The following GRIA3 variants were observed in gnomAD, a reference collection of about 807,000 sequenced individuals.
GRIA3 encodes the protein glutamate ionotropic receptor AMPA type subunit 3, also known as glutamate receptor 3.
Under a neutral mutation model 63.0 loss-of-function variants are expected in GRIA3, and 3 were observed. That is an observed-to-expected ratio of 0.05 (90% CI 0.02 to 0.12). GRIA3 has a LOEUF of 0.12. Ranked by LOEUF, GRIA3 falls within the 10% of genes least tolerant of loss-of-function variation. The probability of loss-of-function intolerance (pLI) is 1.00; values close to 1 mark genes in which losing one functional copy is unlikely to be tolerated. For missense variants in GRIA3, 347 were observed against 700.9 expected, an observed-to-expected ratio of 0.50 and a Z score of 5.70; for synonymous variants, 274 against 257.9, an observed-to-expected ratio of 1.06 and a Z score of -0.60.
intron 2 of GRIA3, among the ~76,000 whole-genome samples, chrX:123,196,465 G>A (rs1237108891): frequency 9.0e-6 from 1 of 111,604 alleles, no homozygotes; most frequent in Non-Finnish European, 1.9e-5. Flanking sequence ...ATCCAATTCT[G>A]TAGACCCAGA....
At chrX:123,192,799 C>T (rs1439381713) in intron 2 of GRIA3, among the ~76,000 whole-genome samples, 1 of 111,408 alleles carries the variant, frequency 9.0e-6, no homozygotes. Flanking sequence ...GGTAGAACAG[C>T]ACTTGTTAAT....
At chrX:123,306,828 C>G (rs1050492001) in intron 3 of GRIA3, among the ~76,000 whole-genome samples, 1 of 112,086 alleles carries the variant, frequency 8.9e-6, no homozygotes, top group African/African-American at 3.2e-5. Context: ...AACCCTCTCT[C>G]TAGCCCTGGG....
At chrX:123,485,975 T>C (rs946072214) in intron 15 of GRIA3, among the ~76,000 whole-genome samples, 2 of 109,339 alleles carry the variant, frequency 1.8e-5, no homozygotes, top group African/African-American at 6.7e-5. Context: ...AGAAAGATTC[T>C]AGAGAAAATA....
At chrX:123,388,457 G>C (rs1229990143) in intron 5 of GRIA3, among the ~76,000 whole-genome samples, 1 of 111,394 alleles carries the variant, frequency 9.0e-6, no homozygotes, top group Non-Finnish European at 1.9e-5. Context: ...ATGTTGCCCT[G>C]GCTGGTCTTG....
intron 4 of GRIA3, among the ~76,000 whole-genome samples, chrX:123,346,251 C>A (rs956926933): frequency 2.3e-4 from 26 of 111,891 alleles, no homozygotes; most frequent in African/African-American, 8.4e-4. Context: ...TAAAGTTACA[C>A]AGCTTATAAC....
chrX:123,333,284 C>T (rs1350545175), intron 4 of GRIA3, among the ~76,000 whole-genome samples: 2 of 111,187 alleles, frequency 1.8e-5, no homozygotes, highest in African/African-American at 6.5e-5. Flanking sequence ...GCTTAGCTAC[C>T]TAAGAAATCA....
chrX:123,191,803 T>C (rs1927442401), intron 2 of GRIA3, among the ~76,000 whole-genome samples: 1 of 111,179 alleles, frequency 9.0e-6, no homozygotes. Flanking sequence ...CACTCTACTT[T>C]GGGGGTGACA....
At chrX:123,411,305 C>T (rs1314171108) in intron 10 of GRIA3, among the ~76,000 whole-genome samples, 1 of 111,844 alleles carries the variant, frequency 8.9e-6, no homozygotes, top group East Asian at 2.8e-4. Flanking sequence ...TTGTCTACTT[C>T]CTCTCTCCTG....
intron 13 of GRIA3, among the ~76,000 whole-genome samples, chrX:123,477,899 G>A (rs1169826194): frequency 1.8e-5 from 2 of 111,559 alleles, no homozygotes; most frequent in East Asian, 2.8e-4. Flanking sequence ...GGACAGGACC[G>A]GGTAAGGGCT....
At chrX:123,190,379 C>T (rs1191239825) in intron 2 of GRIA3, among the ~76,000 whole-genome samples, 1 of 110,704 alleles carries the variant, frequency 9.0e-6, no homozygotes, top group Non-Finnish European at 1.9e-5. Flanking sequence ...AAGAGGTTGC[C>T]TTAGTGGTGC....
chrX:123,392,613 T>C (rs2045392821), intron 5 of GRIA3, among the ~76,000 whole-genome samples: 1 of 111,792 alleles, frequency 8.9e-6, no homozygotes, highest in East Asian at 2.8e-4. Context: ...TCACTTGTCC[T>C]TTACCCATGC....
intron 12 of GRIA3, among the ~76,000 whole-genome samples, chrX:123,445,639 T>C (rs1032608199): frequency 9.8e-5 from 11 of 112,461 alleles, no homozygotes; most frequent in African/African-American, 2.3e-4. Flanking sequence ...TCTTTGACTA[T>C]ACAACACAGC....
At chrX:123,423,193 C>T (rs1821793463) in intron 11 of GRIA3, among the ~76,000 whole-genome samples, 1 of 111,513 alleles carries the variant, frequency 9.0e-6, no homozygotes, top group Non-Finnish European at 1.9e-5. Flanking sequence ...AACCTGATTA[C>T]TGTGTATAGA....
At chrX:123,236,832 A>G (rs2044304716) in intron 2 of GRIA3, among the ~76,000 whole-genome samples, 1 of 112,035 alleles carries the variant, frequency 8.9e-6, no homozygotes, top group Non-Finnish European at 1.9e-5. Context: ...AAATGCTTAC[A>G]GTATGAGCCA....
chrX:123,241,638 G>A (rs184495354), intron 2 of GRIA3, among the ~76,000 whole-genome samples: 107 of 110,498 alleles, frequency 9.7e-4, no homozygotes, highest in Non-Finnish European at 1.8e-3. Context: ...AATCCTGGAC[G>A]CCAAACTTTA....
At position 123,388,946 on chromosome X, in the gene GRIA3, A is replaced by T. The variant is rs1360081853; in HGVS notation, c.751-6022A>T. Reference sequence around the variant, plus strand: ...ATTTCATTTGTGTCAAGAATTTTTTAAATTTCCTCCTTAATTTCTTCTTTG... The same window carrying T: ...ATTTCATTTGTGTCAAGAATTTTTTTAATTTCCTCCTTAATTTCTTCTTTG... On this transcript the variant is annotated intron_variant, in intron 5 of 15. Coordinates refer to ENST00000620443, the MANE Select transcript of GRIA3 (RefSeq NM_007325.5). Among the ~76,000 whole-genome samples, 7 of 112,053 alleles carry T rather than the reference A, an allele frequency of 6.2e-5. No individual in the cohort carries two copies. In the Admixed American group the frequency reaches 6.6e-4, roughly 11 times the overall value.
At chrX:123,393,124 CA>C (rs976778953) in intron 5 of GRIA3, among the ~76,000 whole-genome samples, 1 of 112,433 alleles carries the variant, frequency 8.9e-6, no homozygotes, top group African/African-American at 3.2e-5. Context: ...GAGTGATTCC[CA>C]GTGATGTAAA....
intron 2 of GRIA3, among the ~76,000 whole-genome samples, chrX:123,196,145 T>C (rs1175252773): frequency 9.0e-6 from 1 of 111,216 alleles, no homozygotes; most frequent in Non-Finnish European, 1.9e-5. Context: ...GGCCACTGGG[T>C]CAAGTAAGGC....
chrX:123,196,072 G>A (rs1927569031), intron 2 of GRIA3, among the ~76,000 whole-genome samples: 1 of 111,117 alleles, frequency 9.0e-6, no homozygotes, highest in Admixed American at 9.6e-5. Context: ...GGTGGGGGGA[G>A]GCTGTGCTCT....
Sources: gnomAD v4.1 joint callset for allele counts (sites outside exome capture counted in the v4.1 genomes callset) on GRCh38, gnomAD v4.1.1 for gene constraint, MANE v1.5 for transcripts, NCBI Gene and HGNC (gene_info 2026-07-23, HGNC 2026-07-21) for gene names.